NRXN3: variants seen among roughly 807,000 people sequenced by gnomAD.
NRXN3 encodes neurexin 3, also known as neurexin III.
In NRXN3, 32 loss-of-function variants were observed where a neutral mutation model predicts 137.6. That is an observed-to-expected ratio of 0.23 (90% CI 0.18 to 0.31). NRXN3 has a LOEUF of 0.31. Among genes scored for constraint, NRXN3 ranks in the 10% least tolerant of loss-of-function variants. The pLI, the probability that NRXN3 is intolerant of heterozygous loss-of-function variation, is 1.00. For synonymous variants in NRXN3, 798 were observed against 784.5 expected, an observed-to-expected ratio of 1.02 and a Z score of -0.29; for missense variants, 1,574 against 2,062.5, an observed-to-expected ratio of 0.76 and a Z score of 4.59.
At chr14:79,238,445 C>T (rs2073788206) in intron 15 of NRXN3, among the ~76,000 whole-genome samples, 1 of 151,824 alleles carries the variant, frequency 6.6e-6, no homozygotes. Context: ...GGATCTAGGG[C>T]CCAGGAGAGA....
intron 15 of NRXN3, among the ~76,000 whole-genome samples, chr14:79,390,602 G>A (rs1270154231): frequency 6.6e-6 from 1 of 152,156 alleles, no homozygotes; most frequent in Non-Finnish European, 1.5e-5. Flanking sequence ...ATAAGAAACT[G>A]TCCTTCTATC....
intron 10 of NRXN3, among the ~76,000 whole-genome samples, chr14:78,935,621 C>G (rs1181963970): frequency 6.6e-6 from 1 of 152,156 alleles, no homozygotes; most frequent in African/African-American, 2.4e-5. Context: ...AGTACAGAGG[C>G]AAGGTTTTGA....
At chr14:79,263,848 G>A (rs77152569) in intron 15 of NRXN3, among the ~76,000 whole-genome samples, 5,565 of 152,144 alleles carry the variant, frequency 0.037, 256 homozygotes, top group African/African-American at 0.1. Flanking sequence ...ACAGACTGTG[G>A]TGTAAATGAC....
intron 4 of NRXN3, among the ~76,000 whole-genome samples, chr14:78,386,833 T>TGCA (rs2090039050): frequency 1.3e-5 from 2 of 151,962 alleles, no homozygotes; most frequent in Non-Finnish European, 1.5e-5. Flanking sequence ...CAGGCTGGAG[T>TGCA]GCAGCGGTGC....
At chr14:78,420,393 A>T (rs1050605437) in intron 4 of NRXN3, among the ~76,000 whole-genome samples, 2 of 152,200 alleles carry the variant, frequency 1.3e-5, no homozygotes, top group Non-Finnish European at 2.9e-5. Flanking sequence ...AAATATGATT[A>T]TTAGTAATAA....
At chr14:79,567,521 ATC>A (rs1488913237) in intron 16 of NRXN3, among the ~76,000 whole-genome samples, 1 of 152,026 alleles carries the variant, frequency 6.6e-6, no homozygotes, top group Non-Finnish European at 1.5e-5. Context: ...GCTAATTACA[ATC>A]TGTCTACTTA....
intron 15 of NRXN3, among the ~76,000 whole-genome samples, chr14:79,460,265 T>A (rs968504530): frequency 2.0e-5 from 3 of 152,122 alleles, no homozygotes; most frequent in Admixed American, 2.0e-4. Flanking sequence ...AAATACATAA[T>A]GTTCCCATCA....
chr14:78,416,379 A>G (rs2093137001), intron 4 of NRXN3, among the ~76,000 whole-genome samples: 1 of 152,180 alleles, frequency 6.6e-6, no homozygotes, highest in South Asian at 2.1e-4. Context: ...TGGAAGGAAA[A>G]GAAAAGGGTC....
chr14:79,594,680 T>C (rs2097844271), intron 16 of NRXN3, among the ~76,000 whole-genome samples: 1 of 119,604 alleles, frequency 8.4e-6, no homozygotes, highest in Non-Finnish European at 1.6e-5. Context: ...TCACCTTTCT[T>C]CCAGGTCTTC....
chr14:78,738,224 A>C (rs1026919412), intron 8 of NRXN3, among the ~76,000 whole-genome samples: 1 of 152,202 alleles, frequency 6.6e-6, no homozygotes, highest in African/African-American at 2.4e-5. Flanking sequence ...TGTGCCATAC[A>C]TTGTGCTAAG....
intron 15 of NRXN3, among the ~76,000 whole-genome samples, chr14:79,070,362 C>T (rs2099686093): frequency 6.6e-6 from 1 of 152,184 alleles, no homozygotes. Context: ...AAAGCACTCC[C>T]AATAACAGGT....
intron 19 of NRXN3, among the ~76,000 whole-genome samples, chr14:79,781,193 C>T (rs1015515413): frequency 3.8e-4 from 57 of 151,966 alleles, no homozygotes; most frequent in East Asian, 1.9e-4. Context: ...TCAGTCTTTC[C>T]GCTTATCTAT....
At chr14:79,775,764 GT>G (rs2099095072) in intron 19 of NRXN3, among the ~76,000 whole-genome samples, 1 of 152,140 alleles carries the variant, frequency 6.6e-6, no homozygotes, top group South Asian at 2.1e-4. Flanking sequence ...GGATTCTCAT[GT>G]TATGAGCTGA....
intron 10 of NRXN3, among the ~76,000 whole-genome samples, chr14:78,843,983 C>T (rs767952971): frequency 6.6e-6 from 1 of 152,088 alleles, no homozygotes; most frequent in Non-Finnish European, 1.5e-5. Context: ...AAGCAAATTA[C>T]CACCAACCTG....
At chr14:78,927,389 C>T (rs1460136903) in intron 10 of NRXN3, among the ~76,000 whole-genome samples, 2 of 151,850 alleles carry the variant, frequency 1.3e-5, no homozygotes, top group African/African-American at 4.8e-5. Flanking sequence ...TTCCTCAGAG[C>T]AGAAAGGAGG....
chr14:79,435,437 G>A (rs964344539), intron 15 of NRXN3, among the ~76,000 whole-genome samples: 1 of 152,086 alleles, frequency 6.6e-6, no homozygotes, highest in African/African-American at 2.4e-5. Context: ...CATGAAAGAT[G>A]TTGTGGGACA....
chr14:79,675,182 G>A (rs2098634044), intron 17 of NRXN3, among the ~76,000 whole-genome samples: 1 of 151,948 alleles, frequency 6.6e-6, no homozygotes, highest in Admixed American at 6.6e-5. Context: ...ATTTAGATTA[G>A]GGATCACCAA....
chr14:79,096,240 TG>T (rs1180755843), intron 15 of NRXN3, among the ~76,000 whole-genome samples: 1 of 151,974 alleles, frequency 6.6e-6, no homozygotes, highest in East Asian at 1.9e-4. Context: ...CCCGAGTAGC[TG>T]GGATTACAGG....
intron 1 of NRXN3, among the ~76,000 whole-genome samples, chr14:78,197,714 A>C (rs979273587): frequency 1.3e-5 from 2 of 152,184 alleles, no homozygotes; most frequent in African/African-American, 4.8e-5. Context: ...ATGCCCCTCC[A>C]TGGGGTATTC....
Sources: allele counts gnomAD v4.1 joint callset (sites outside exome capture counted in the v4.1 genomes callset), GRCh38; gene constraint gnomAD v4.1.1; transcripts MANE v1.5; gene names NCBI Gene and HGNC (gene_info 2026-07-23, HGNC 2026-07-21).